The following RSRC1 variants were observed in gnomAD, a reference collection of about 807,000 sequenced individuals.
RSRC1 encodes arginine and serine rich coiled-coil 1.
RSRC1 carries 39 observed loss-of-function variants against 49.1 expected under a neutral mutation model. The observed-to-expected ratio is 0.79, with a 90% CI of 0.61 to 1.04. RSRC1 has a LOEUF of 1.04. Ranked by LOEUF, RSRC1 falls within the 50% of genes least tolerant of loss-of-function variation. RSRC1 has a pLI of 0.00. For missense variants in RSRC1, 388 were observed against 402.4 expected (o/e 0.96, Z 0.31); for synonymous variants, 143 against 130.8 (o/e 1.09, Z -0.63).
At chr3:158,219,465 T>C (rs553407495) in intron 4 of RSRC1, among the ~76,000 whole-genome samples, 8 of 151,780 alleles carry the variant, frequency 5.3e-5, no homozygotes, top group African/African-American at 1.9e-4. Context: ...TGTAATTACA[T>C]TTATTAGTTT....
chr3:158,200,228 C>T (rs1156973469), intron 3 of RSRC1, among the ~76,000 whole-genome samples: 1 of 151,986 alleles, frequency 6.6e-6, no homozygotes, highest in African/African-American at 2.4e-5. Context: ...TTAGTAGAGA[C>T]AGGGTTTCAC....
At chr3:158,146,117 T>G (rs1717095954) in intron 3 of RSRC1, among the ~76,000 whole-genome samples, 1 of 152,202 alleles carries the variant, frequency 6.6e-6, no homozygotes, top group African/African-American at 2.4e-5. Flanking sequence ...GAATACCCTT[T>G]ATTCCTTTCT....
In RSRC1 at chr3:158,145,128, G is replaced by T. The variant is rs562927177; in HGVS notation, c.320+21137G>T. 3.5e-3 allele frequency among the ~76,000 whole-genome samples: 536 copies of T among 152,006 alleles called. 2 individuals are homozygous for T. Among genetic ancestry groups the T allele is most frequent in the African/African-American group, 9.7e-3 (404 of 41,480 alleles). On this transcript the variant is annotated intron_variant, in intron 3 of 9. Transcript: ENST00000611884. ...TTTCTTTTGCTGTGCAGAAGCTCTT[G>T]AGTTTAATTAGATCCCATTTGTCAA...
intron 3 of RSRC1, among the ~76,000 whole-genome samples, chr3:158,202,553 T>C (rs1721103233): frequency 7.0e-6 from 1 of 142,850 alleles, no homozygotes; most frequent in Non-Finnish European, 1.5e-5. Flanking sequence ...GGGTTGTCAG[T>C]CTGGTAGATT....
At chr3:158,273,742 CATG>C (rs528827087) in intron 4 of RSRC1, among the ~76,000 whole-genome samples, 14 of 152,236 alleles carry the variant, frequency 9.2e-5, no homozygotes, top group Admixed American at 1.3e-4. Flanking sequence ...TGAGTTAAAA[CATG>C]ATAATAATCT....
intron 7 of RSRC1, among the ~76,000 whole-genome samples, chr3:158,513,564 G>A (rs1236279003): frequency 6.6e-6 from 1 of 152,108 alleles, no homozygotes; most frequent in Non-Finnish European, 1.5e-5. Flanking sequence ...CAAGGATATT[G>A]GCCTAAAATT....
intron 5 of RSRC1, among the ~76,000 whole-genome samples, chr3:158,325,776 G>T (rs1040772008): frequency 2.0e-5 from 3 of 152,144 alleles, no homozygotes; most frequent in African/African-American, 7.2e-5. Flanking sequence ...AAAGTCATTG[G>T]TAGCTTGATG....
intron 6 of RSRC1, among the ~76,000 whole-genome samples, chr3:158,417,076 A>G (rs1734775864): frequency 6.6e-6 from 1 of 152,020 alleles, no homozygotes; most frequent in African/African-American, 2.4e-5. Context: ...GAAATGGTAA[A>G]TATGAAGCAT....
At chr3:158,189,518 A>G (rs1720108810) in intron 3 of RSRC1, among the ~76,000 whole-genome samples, 1 of 151,932 alleles carries the variant, frequency 6.6e-6, no homozygotes, top group South Asian at 2.1e-4. Flanking sequence ...ACTGTCTCCA[A>G]TAGTAGTCTT....
intron 7 of RSRC1, among the ~76,000 whole-genome samples, chr3:158,523,734 C>T (rs1711839076): frequency 6.6e-6 from 1 of 151,972 alleles, no homozygotes; most frequent in African/African-American, 2.4e-5. Context: ...TAATGATTTC[C>T]CATCAAAACT....
chr3:158,195,165 T>C (rs1010884012), intron 3 of RSRC1, among the ~76,000 whole-genome samples: 3 of 152,176 alleles, frequency 2.0e-5, no homozygotes, highest in African/African-American at 7.2e-5. Context: ...ATCTGTTGTT[T>C]CCTGACTTTT....
chr3:158,126,652 A>G (rs1199040443), intron 3 of RSRC1, among the ~76,000 whole-genome samples: 1 of 152,106 alleles, frequency 6.6e-6, no homozygotes, highest in African/African-American at 2.4e-5. Context: ...GTACTTGTGT[A>G]TATATTTACC....
At chr3:158,282,035 A>ATGGTATG (rs1726210055) in intron 4 of RSRC1, among the ~76,000 whole-genome samples, 1 of 152,152 alleles carries the variant, frequency 6.6e-6, no homozygotes, top group African/African-American at 2.4e-5. Flanking sequence ...CATACTTGGT[A>ATGGTATG]CACAGCCAGT....
intron 3 of RSRC1, among the ~76,000 whole-genome samples, chr3:158,125,575 C>T (rs541028067): frequency 3.9e-5 from 6 of 152,136 alleles, no homozygotes; most frequent in East Asian, 1.9e-4. Context: ...CTTTGTGTTT[C>T]GAAAAGATAC....
Position 158,170,249 on chromosome 3 carries a change from T to G in RSRC1, c.321-32823T>G, listed in dbSNP as rs1263420690. ...CTTGAAGCCAGATTTTTTGTTTAATTCTAGCAAATATAAGGGCCTTATGTC... is the reference window on the plus strand; with the variant it reads ...CTTGAAGCCAGATTTTTTGTTTAATGCTAGCAAATATAAGGGCCTTATGTC... On this transcript the variant is annotated intron_variant, in intron 3 of 9. Transcript: ENST00000611884. 2.6e-5 allele frequency among the ~76,000 whole-genome samples: 4 copies of G among 151,882 alleles called. 1 individual carries two copies. Among genetic ancestry groups the G allele is most frequent in the African/African-American group, 9.7e-5 (4 of 41,398 alleles).
At chr3:158,183,113 GATAA>G (rs1719723572) in intron 3 of RSRC1, among the ~76,000 whole-genome samples, 1 of 151,878 alleles carries the variant, frequency 6.6e-6, no homozygotes. Flanking sequence ...TGCAGATAAA[GATAA>G]ATAAGTTATT....
At chr3:158,203,369 T>TA in intron 4 of RSRC1, 124 bp downstream of exon 4, 1 of 968,666 alleles carries the variant, frequency 1.0e-6, no homozygotes, top group South Asian at 2.3e-5. Context: ...GAAAATGGAA[T>TA]AAAAAGAGAG....
rs1365250051 is a variant in RSRC1 at position 158,455,311 on chromosome 3, C to T, written c.584-5624C>T. 3.9e-5 allele frequency among the ~76,000 whole-genome samples: 6 copies of T among 152,138 alleles called. No homozygotes were observed. In the East Asian group the frequency reaches 1.2e-3, roughly 29 times the overall value. ...AACTTTGGGATGAGGGTTGTTAAAG[C>T]CCTGTAAAGAGATTTTTCCCTGAAA... On this transcript the variant is annotated intron_variant, in intron 6 of 9. Coordinates refer to ENST00000611884, the MANE Select transcript of RSRC1 (RefSeq NM_001271838.2).
At chr3:158,437,622 C>T (rs886381925) in intron 6 of RSRC1, among the ~76,000 whole-genome samples, 8 of 152,236 alleles carry the variant, frequency 5.3e-5, no homozygotes, top group African/African-American at 1.9e-4. Context: ...GCTCTTCATG[C>T]TAAACACTCT....
Sources: allele counts gnomAD v4.1 joint callset (sites outside exome capture counted in the v4.1 genomes callset), GRCh38; gene constraint gnomAD v4.1.1; transcripts MANE v1.5; gene names NCBI Gene and HGNC (gene_info 2026-07-23, HGNC 2026-07-21).